Variants in ACOXL observed in about 807,000 individuals in gnomAD.
The protein encoded by ACOXL is acyl-coenzyme A oxidase-like protein.
ACOXL carries 70 observed loss-of-function variants against 71.9 expected under a neutral mutation model. That is an observed-to-expected ratio of 0.97 (90% CI 0.80 to 1.19). The LOEUF is 1.19. Ranked by LOEUF, ACOXL falls within the 50% of genes most tolerant of loss-of-function variation. The probability of loss-of-function intolerance (pLI) is 0.00; values close to 1 mark genes in which losing one functional copy is unlikely to be tolerated. For synonymous variants in ACOXL, 253 were observed against 281.6 expected (o/e 0.90, Z 1.02); for missense variants, 703 against 736.3 (o/e 0.95, Z 0.52).
intron 13 of ACOXL, among the ~76,000 whole-genome samples, chr2:110,987,752 A>G (rs945072845): frequency 1.3e-5 from 2 of 152,212 alleles, no homozygotes; most frequent in Non-Finnish European, 2.9e-5. Flanking sequence ...ATTGTTAAGT[A>G]TAGGTGCAGA....
chr2:110,857,776 A>G (rs1693443534), intron 10 of ACOXL, among the ~76,000 whole-genome samples: 1 of 151,876 alleles, frequency 6.6e-6, no homozygotes, highest in Non-Finnish European at 1.5e-5. Context: ...CCCAGGCTGG[A>G]GTTCGGTGGC....
chr2:110,950,810 G>GGAGA lies in ACOXL; in HGVS notation c.1059+17190_1059+17193dup, dbSNP rs71383892. ...ATCTTAAGGAGGAAGGGTGGGGGGTGGAGAGAGAGAGAGAGAGAGAGAGAG... is the reference window on the plus strand; with the variant it reads ...ATCTTAAGGAGGAAGGGTGGGGGGTGGAGAGAGAGAGAGAGAGAGAGAGAGAGAG... On this transcript the variant is annotated intron_variant, in intron 12 of 17. Coordinates refer to ENST00000439055, the MANE Select transcript of ACOXL (RefSeq NM_001142807.4). Among the ~76,000 whole-genome samples the GGAGA allele has an allele frequency of 2.2e-3, 316 of 142,836 alleles. 3 individuals carry two copies. The highest frequency in any genetic ancestry group is 0.01 in the East Asian group (45 of 4,290). 93.7% of individuals were successfully genotyped at this position (142,836 alleles called of 152,430 possible). A position where few individuals can be genotyped will look rare whatever the true frequency, so the allele number is the denominator to read the frequency against.
intron 11 of ACOXL, among the ~76,000 whole-genome samples, chr2:110,928,071 G>T (rs923553413): frequency 1.3e-5 from 2 of 152,194 alleles, no homozygotes; most frequent in Non-Finnish European, 2.9e-5. Flanking sequence ...AGCAACTCAA[G>T]CAGTCCAGGA....
chr2:110,771,008 C>T (rs1208640109), intron 2 of ACOXL, among the ~76,000 whole-genome samples: 1 of 152,224 alleles, frequency 6.6e-6, no homozygotes, highest in Non-Finnish European at 1.5e-5. Flanking sequence ...TGGCCTTAGG[C>T]AGCCTGGACA....
intron 10 of ACOXL, among the ~76,000 whole-genome samples, chr2:110,883,069 G>A (rs1245806112): frequency 6.7e-6 from 1 of 148,698 alleles, no homozygotes; most frequent in East Asian, 2.0e-4. Context: ...CTCTGTGTGA[G>A]TCTCTGCAGA....
intron 12 of ACOXL, among the ~76,000 whole-genome samples, chr2:110,944,519 C>T (rs2061021945): frequency 6.6e-6 from 1 of 152,136 alleles, no homozygotes; most frequent in Admixed American, 6.5e-5. Flanking sequence ...CTCAAGTAGG[C>T]CCCAGTGTCT....
At chr2:111,070,045 G>C (rs1055855348) in intron 16 of ACOXL, among the ~76,000 whole-genome samples, 2 of 152,058 alleles carry the variant, frequency 1.3e-5, no homozygotes, top group African/African-American at 4.8e-5. Flanking sequence ...AGAAGCAGCA[G>C]GGCTCCAGTC....
At chr2:110,910,748 T>C (rs1293413606) in intron 11 of ACOXL, among the ~76,000 whole-genome samples, 4 of 152,234 alleles carry the variant, frequency 2.6e-5, no homozygotes, top group African/African-American at 9.6e-5. Context: ...GTATATCTTC[T>C]CTGTGAAAGA....
chr2:111,007,228 G>A (rs991412836), intron 14 of ACOXL, among the ~76,000 whole-genome samples: 2 of 152,178 alleles, frequency 1.3e-5, no homozygotes, highest in African/African-American at 4.8e-5. Context: ...GGGCAAAGAT[G>A]CGACTGATAT....
At chr2:110,733,298 C>T (rs999437130) in intron 1 of ACOXL, among the ~76,000 whole-genome samples, 3 of 151,846 alleles carry the variant, frequency 2.0e-5, no homozygotes, top group Non-Finnish European at 4.4e-5. Flanking sequence ...TGGGCAGCTT[C>T]AGCGGGGCGG....
chr2:110,832,248 A>G (rs1036342778), intron 9 of ACOXL, among the ~76,000 whole-genome samples: 1 of 152,190 alleles, frequency 6.6e-6, no homozygotes, highest in African/African-American at 2.4e-5. Context: ...TTTAAAGAAC[A>G]AACTAGTAGG....
At chr2:110,923,808 G>A (rs1574139809) in intron 11 of ACOXL, among the ~76,000 whole-genome samples, 1 of 151,968 alleles carries the variant, frequency 6.6e-6, no homozygotes, top group Admixed American at 6.6e-5. Context: ...TGGTGGTGGG[G>A]GCCTGTAATC....
intron 1 of ACOXL, among the ~76,000 whole-genome samples, chr2:110,745,292 G>T (rs1678058216): frequency 6.6e-6 from 1 of 152,200 alleles, no homozygotes; most frequent in African/African-American, 2.4e-5. Flanking sequence ...CAGCCAGGCA[G>T]GAAGAGAGGG....
intron 10 of ACOXL, among the ~76,000 whole-genome samples, chr2:110,880,330 C>A (rs1696491765): frequency 6.6e-6 from 1 of 152,142 alleles, no homozygotes; most frequent in Non-Finnish European, 1.5e-5. Flanking sequence ...TCCTTCTCAC[C>A]TACAATGCAT....
intron 1 of ACOXL, among the ~76,000 whole-genome samples, chr2:110,749,095 C>T (rs1026956359): frequency 2.0e-5 from 3 of 152,246 alleles, no homozygotes; most frequent in South Asian, 2.1e-4. Context: ...AGGGTGGACA[C>T]CTAGGGTGTC....
chr2:110,808,753 T>C (rs557066757), intron 9 of ACOXL, among the ~76,000 whole-genome samples: 47 of 152,344 alleles, frequency 3.1e-4, no homozygotes, highest in African/African-American at 1.1e-3. Context: ...TCAGCCTGCA[T>C]GTGGTTCCTC....
At chr2:110,994,447 G>GT (rs11385924) in intron 13 of ACOXL, among the ~76,000 whole-genome samples, 131,792 of 150,194 alleles carry the variant, frequency 0.88, 57,912 homozygotes, top group Middle Eastern at 0.95. Flanking sequence ...AGCCACTTGG[G>GT]TTTTTTTTTA....
At chr2:110,845,209 G>A (rs1410662535) in intron 10 of ACOXL, among the ~76,000 whole-genome samples, 1 of 152,188 alleles carries the variant, frequency 6.6e-6, no homozygotes, top group Non-Finnish European at 1.5e-5. Context: ...CTTCCAAGAT[G>A]GTGCCTTGTT....
chr2:110,814,607 A>G (rs1313885316), intron 9 of ACOXL, among the ~76,000 whole-genome samples: 1 of 152,194 alleles, frequency 6.6e-6, no homozygotes, highest in East Asian at 1.9e-4. Flanking sequence ...AATAATGGTT[A>G]GTAGAATATT....
Sources: allele counts gnomAD v4.1 joint callset (sites outside exome capture counted in the v4.1 genomes callset), GRCh38; gene constraint gnomAD v4.1.1; transcripts MANE v1.5; gene names NCBI Gene and HGNC (gene_info 2026-07-23, HGNC 2026-07-21).